CD2: variants seen among roughly 807,000 people sequenced by gnomAD.
CD2 encodes CD2 molecule.
CD2 carries 18 observed loss-of-function variants against 23.2 expected under a neutral mutation model. The ratio of observed to expected loss-of-function variants is 0.77; its 90% CI spans 0.54 to 1.15. The LOEUF is 1.15. CD2 is among the 50% of genes most tolerant of loss of function. The pLI is 0.00. For synonymous variants in CD2, 162 were observed against 151.9 expected, an observed-to-expected ratio of 1.07 and a Z score of -0.49; for missense variants, 424 against 423.1, an observed-to-expected ratio of 1.00 and a Z score of -0.02.
chr1:116,758,091 A>G (rs1272527841), intron 2 of CD2, among the ~76,000 whole-genome samples: 1 of 151,618 alleles, frequency 6.6e-6, no homozygotes, highest in Non-Finnish European at 1.5e-5. Context: ...ATTTATATAT[A>G]TACATATAAA....
intron 2 of CD2, among the ~76,000 whole-genome samples, chr1:116,756,615 A>G (rs1651857983): frequency 6.6e-6 from 1 of 152,036 alleles, no homozygotes; most frequent in Non-Finnish European, 1.5e-5. Context: ...TTCATCTACC[A>G]TTCAATTTGT....
At chr1:116,755,565 T>C (rs986280582) in intron 2 of CD2, among the ~76,000 whole-genome samples, 1 of 152,122 alleles carries the variant, frequency 6.6e-6, no homozygotes, top group Non-Finnish European at 1.5e-5. Context: ...GAGTGGATAT[T>C]GAGGATGGGG....
intron 2 of CD2, among the ~76,000 whole-genome samples, chr1:116,759,265 C>T (rs1439161129): frequency 1.3e-5 from 2 of 151,948 alleles, no homozygotes; most frequent in Non-Finnish European, 2.9e-5. Context: ...TATATCGGGA[C>T]ATAAATGAAG....
In CD2 at chr1:116,754,748, A is replaced by G. The variant is rs779582184; in HGVS notation, c.179A>G (p.Glu60Gly). 3 of 1,613,816 alleles carry G rather than the reference A, an allele frequency of 1.9e-6. No individual in the cohort carries two copies. Among genetic ancestry groups the G allele is most frequent in the Non-Finnish European group, 1.7e-6 (2 of 1,179,882 alleles). Reference sequence around the variant, plus strand: ...GATGATATTGACGATATAAAATGGGAAAAAACTTCAGACAAGAAAAAGATT... The same window carrying G: ...GATGATATTGACGATATAAAATGGGGAAAAACTTCAGACAAGAAAAAGATT... Reference protein sequence around the residue: ...MSDDIDDIKWEKTSDKKKIAQ... With the variant: ...MSDDIDDIKWGKTSDKKKIAQ... Residue 60 changes from glutamate (E) to glycine (G), a missense_variant, in exon 2 of 5, where the codon GAA becomes GGA. By Grantham distance (98) the Glu-to-Gly change is moderately conservative. Transcript: ENST00000369478.
At chr1:116,761,475 G>A (rs910435449) in intron 3 of CD2, among the ~76,000 whole-genome samples, 2 of 152,180 alleles carry the variant, frequency 1.3e-5, no homozygotes, top group African/African-American at 4.8e-5. Context: ...ATTCATGTGG[G>A]CCGTTGGGCT....
chr1:116,758,580 G>T (rs1651936447), intron 2 of CD2, among the ~76,000 whole-genome samples: 1 of 152,114 alleles, frequency 6.6e-6, no homozygotes, highest in Non-Finnish European at 1.5e-5. Context: ...GTGGGGTTGA[G>T]CATGGCGCTG....
rs747729305 is a variant in CD2 at position 116,754,870 on chromosome 1, G to C, written c.301G>C (p.Asp101His). 2 of 1,612,782 alleles carry C rather than the reference G, an allele frequency of 1.2e-6. No homozygotes were observed. The highest frequency in any genetic ancestry group is 2.2e-5 in the South Asian group (2 of 91,000). Reference sequence around the variant, plus strand: ...GAAAATTAAGCATCTGAAGACCGATGATCAGGATATCTACAAGGTATCAAT... The same window carrying C: ...GAAAATTAAGCATCTGAAGACCGATCATCAGGATATCTACAAGGTATCAAT... ...TLKIKHLKTDDQDIYKVSIYD... is the reference protein window; with the variant it reads ...TLKIKHLKTDHQDIYKVSIYD... The change falls in exon 2 of 5, where the codon GAT becomes CAT. Residue 101 changes from aspartate (D) to histidine (H), a missense_variant. Asp to His is a moderately conservative substitution (Grantham distance 81). Coordinates refer to ENST00000369478, the MANE Select transcript of CD2 (RefSeq NM_001767.5).
In CD2 at chr1:116,754,628, T is replaced by C. The variant is rs557745265; in HGVS notation, c.62-3T>C. ...CTCTCAGTAACTCTTTTGCTTTTTA[T>C]AGGTGCAGTCTCCAAAGAGATTACG... On this transcript the variant is annotated splice_region_variant and splice_polypyrimidine_tract_variant and intron_variant, in intron 1 of 4. Coordinates refer to ENST00000369478, the MANE Select transcript of CD2 (RefSeq NM_001767.5). 3.7e-6 allele frequency: 6 copies of C among 1,608,140 alleles called. No individual in the cohort carries two copies. The highest frequency in any genetic ancestry group is 2.2e-5 in the South Asian group (2 of 89,750).
In CD2 at chr1:116,769,205, A is replaced by G. The variant is rs1243519960; in HGVS notation, c.*422A>G. 6.3e-6 allele frequency: 1 copy of G among 158,384 alleles called. No homozygotes were observed. Among genetic ancestry groups the G allele is most frequent in the Non-Finnish European group, 1.4e-5 (1 of 72,328 alleles). The allele number at this position is 158,384 out of a possible 1,614,324, so 9.8% of individuals were successfully genotyped here. ...CACTTGCCCACCATCCTGTGAGTAA[A>G]AGTGAAATAAAAGCTTTGACTAGAC... On this transcript the variant is annotated 3_prime_UTR_variant, in exon 5 of 5. Coordinates refer to ENST00000369478, the MANE Select transcript of CD2 (RefSeq NM_001767.5).
At position 116,763,360 on chromosome 1, in the gene CD2, GC is replaced by G. The variant is rs1206749485; in HGVS notation, c.614-1122del. Among the ~76,000 whole-genome samples the G allele has an allele frequency of 5.3e-5, 8 of 152,116 alleles. 1 individual carries two copies. The highest frequency in any genetic ancestry group is 2.6e-4 in the Admixed American group (4 of 15,278). ...AACAGTGTCTCCCTGGTATGTTTTT[GC>G]CTGGAGAAGCATTTCTTTTGTGATG... is the stretch of plus-strand genomic sequence containing the variant. On this transcript the variant is annotated intron_variant, in intron 3 of 4. Coordinates refer to ENST00000369478, the MANE Select transcript of CD2 (RefSeq NM_001767.5).
intron 2 of CD2, among the ~76,000 whole-genome samples, chr1:116,756,203 A>G (rs1651843310): frequency 6.6e-6 from 1 of 152,168 alleles, no homozygotes; most frequent in Non-Finnish European, 1.5e-5. Context: ...GGGGTTGAGC[A>G]TGGCGCTGAA....
chr1:116,766,542 G>A (rs1295031287), intron 4 of CD2, among the ~76,000 whole-genome samples: 3 of 152,154 alleles, frequency 2.0e-5, no homozygotes, highest in African/African-American at 7.2e-5. Context: ...AGGAATAAAT[G>A]TTGGAAGGAC....
At position 116,754,637 on chromosome 1, in the gene CD2, T is replaced by A; in HGVS notation, c.68T>A (p.Val23Asp). The change falls in exon 2 of 5, where the codon GTC becomes GAC. Residue 23 changes from valine to aspartate, a missense_variant. Physicochemically the swap from Val to Asp is radical, Grantham distance 152. Transcript: ENST00000369478. The stretch of plus-strand genomic sequence containing the variant: ...ACTCTTTTGCTTTTTATAGGTGCAG[T>A]CTCCAAAGAGATTACGAATGCCTTG... ...LIFNVSSKGAVSKEITNALET... is the reference protein window; with the variant it reads ...LIFNVSSKGADSKEITNALET... The A allele has an allele frequency of 6.2e-7, 1 of 1,608,038 alleles. No individual in the cohort carries two copies. Among genetic ancestry groups the A allele is most frequent in the Non-Finnish European group, 8.5e-7 (1 of 1,178,244 alleles).
At position 116,765,526 on chromosome 1, in the gene CD2, G is replaced by A. The variant is rs546740214; in HGVS notation, c.736+920G>A. On this transcript the variant is annotated intron_variant, in intron 4 of 4. Coordinates refer to ENST00000369478, the MANE Select transcript of CD2 (RefSeq NM_001767.5). ...CAGTTCTCCTTCTGCCTCCCCATCA[G>A]GCTGCGGTCCCTCAGCCCCACGTCC... is the stretch of plus-strand genomic sequence containing the variant. 2.6e-5 allele frequency among the ~76,000 whole-genome samples: 4 copies of A among 152,226 alleles called. No homozygotes were observed. The South Asian group carries it at 8.3e-4, about 32-fold the overall frequency.
intron 3 of CD2, among the ~76,000 whole-genome samples, chr1:116,761,181 T>C (rs575622705): frequency 6.6e-6 from 1 of 152,264 alleles, no homozygotes; most frequent in Admixed American, 6.5e-5. Context: ...GCTTGGGGAC[T>C]AGCTCCAGAA....
Sources: gnomAD v4.1 joint callset for allele counts (sites outside exome capture counted in the v4.1 genomes callset) on GRCh38, gnomAD v4.1.1 for gene constraint, MANE v1.5 for transcripts, NCBI Gene and HGNC (gene_info 2026-07-23, HGNC 2026-07-21) for gene names.